Variants in MIA2 observed in about 807,000 individuals in gnomAD.
The protein encoded by MIA2 is MIA SH3 domain ER export factor 2, also known as melanoma inhibitory activity protein 2.
In MIA2, 127 loss-of-function variants were observed where a neutral mutation model predicts 167.8. The ratio of observed to expected loss-of-function variants is 0.76; its 90% confidence interval spans 0.66 to 0.88. The LOEUF (loss-of-function observed/expected upper bound fraction) is 0.88. MIA2 is among the 40% of genes least tolerant of loss of function. MIA2 has a pLI of 0.00. For missense variants in MIA2, 1,690 were observed against 1,624.7 expected (o/e 1.04, Z -0.69); for synonymous variants, 552 against 541.9 (o/e 1.02, Z -0.26).
At chr14:39,269,074 G>GCTAATTTTTTTTTT in intron 6 of MIA2, 1 of 580,220 alleles carries the variant, frequency 1.7e-6, no homozygotes, top group Non-Finnish European at 2.0e-6. Flanking sequence ...CACCTGCACA[G>GCTAATTTTTTTTTT]TTTTTTTTTT....
At chr14:39,374,236 C>T (rs1203682308) in intron 23 of MIA2, among the ~76,000 whole-genome samples, 1 of 152,148 alleles carries the variant, frequency 6.6e-6, no homozygotes, top group Non-Finnish European at 1.5e-5. Context: ...CCTCAGATTG[C>T]AGAAGCACTT....
At chr14:39,387,162 A>G (rs1357929409) in exon 24 of MIA2, 2 of 511,248 alleles carry the variant, frequency 3.9e-6, no homozygotes, top group Non-Finnish European at 3.4e-6. Flanking sequence ...AATACATTTT[A>G]TAAGACTATA....
chr14:39,267,576 G>C, intron 6 of MIA2: 1 of 1,600,594 alleles, frequency 6.2e-7, no homozygotes, highest in Non-Finnish European at 8.5e-7. Context: ...GGAGCCGCCG[G>C]GGGAAGGAAG....
chr14:39,298,060 A>G (rs2061684577), intron 13 of MIA2, among the ~76,000 whole-genome samples: 1 of 151,864 alleles, frequency 6.6e-6, no homozygotes, highest in South Asian at 2.1e-4. Context: ...CCTTTGAAAA[A>G]AAAATCTGTT....
chr14:39,281,817 C>T (rs1202493666), intron 9 of MIA2, among the ~76,000 whole-genome samples: 1 of 151,944 alleles, frequency 6.6e-6, no homozygotes, highest in African/African-American at 2.4e-5. Flanking sequence ...GGATGGGTTT[C>T]ACTGTGTTGC....
At chr14:39,261,797 A>C (rs903739981) in intron 6 of MIA2, among the ~76,000 whole-genome samples, 1 of 152,146 alleles carries the variant, frequency 6.6e-6, no homozygotes, top group African/African-American at 2.4e-5. Flanking sequence ...TCTTTTGAGA[A>C]GTGTCTGTTC....
At chr14:39,234,680 T>TTTTATTTTTATTTCAAA in intron 1 of MIA2, among the ~76,000 whole-genome samples, 1 of 152,186 alleles carries the variant, frequency 6.6e-6, no homozygotes, top group Non-Finnish European at 1.5e-5. Flanking sequence ...CTCATGACGT[T>TTTTATTTTTATTTCAAA]CCTAAAAAGT....
intron 25 of MIA2, among the ~76,000 whole-genome samples, chr14:39,329,645 T>C (rs2068351447): frequency 8.8e-6 from 1 of 113,546 alleles, no homozygotes; most frequent in South Asian, 2.9e-4. Flanking sequence ...CACTACCTAG[T>C]TTATTGAGTT....
intron 15 of MIA2, 34 bp downstream of exon 15, chr14:39,302,283 A>G: frequency 1.2e-6 from 2 of 1,607,390 alleles, no homozygotes; most frequent in South Asian, 1.1e-5. Context: ...TTTTGCTAAA[A>G]TGGTGACTAG....
intron 3 of MIA2, among the ~76,000 whole-genome samples, chr14:39,246,229 TG>T (rs1265686995): frequency 1.3e-5 from 2 of 152,010 alleles, no homozygotes; most frequent in African/African-American, 4.8e-5. Context: ...CCTGAGTAGC[TG>T]GGACTACAGG....
chr14:39,359,066 C>T (rs892704872), intron 23 of MIA2, among the ~76,000 whole-genome samples: 15 of 152,180 alleles, frequency 9.9e-5, no homozygotes, highest in African/African-American at 3.4e-4. Flanking sequence ...AGAACCACTA[C>T]TCTCTTCAAA....
downstream of MIA2, among the ~76,000 whole-genome samples, chr14:39,354,068 G>T (rs2139240563): frequency 6.6e-6 from 1 of 152,146 alleles, no homozygotes; most frequent in African/African-American, 2.4e-5. Flanking sequence ...ATAATCCTTT[G>T]GGTATATACC....
intron 6 of MIA2, chr14:39,265,161 A>G (rs1594756298): frequency 3.0e-5 from 3 of 99,046 alleles, no homozygotes; most frequent in South Asian, 1.9e-4. Context: ...GTGTGTGAGT[A>G]TATATATATA....
chr14:39,378,420 C>T (rs2075087042), intron 23 of MIA2, among the ~76,000 whole-genome samples: 1 of 152,140 alleles, frequency 6.6e-6, no homozygotes, highest in Non-Finnish European at 1.5e-5. Context: ...TCCAATGGCA[C>T]CATCTCTAAA....
intron 24 of MIA2, among the ~76,000 whole-genome samples, chr14:39,321,881 C>G (rs2066509699): frequency 6.6e-6 from 1 of 151,830 alleles, no homozygotes; most frequent in African/African-American, 2.4e-5. Flanking sequence ...CTGCCTCAGC[C>G]TCCTGAGTAG....
Position 39,247,241 on chromosome 14 carries a change from G to A in MIA2, c.667G>A (p.Val223Ile). 6.2e-7 allele frequency: 1 copy of A among 1,614,116 alleles called. No individual in the cohort carries two copies. Among genetic ancestry groups the A allele is most frequent in the Non-Finnish European group, 8.5e-7 (1 of 1,180,020 alleles). ...HVPPSSAVSGVKEWFGLGGEQ... is the reference protein window; with the variant it reads ...HVPPSSAVSGIKEWFGLGGEQ... ...CCCACCATCTTCAGCTGTGTCTGGA[G>A]TCAAAGAATGGTTTGGATTGGGAGG... Residue 223 changes from valine (V) to isoleucine (I), a missense_variant, in exon 4 of 29, where the codon GTC becomes ATC. Coordinates refer to ENST00000640607, the MANE Select transcript of MIA2 (RefSeq NM_001329214.4).
chr14:39,242,603 G>T (rs1163665957), intron 3 of MIA2, among the ~76,000 whole-genome samples: 4 of 151,998 alleles, frequency 2.6e-5, no homozygotes, highest in Admixed American at 1.3e-4. Context: ...AATTACAGGT[G>T]TGAGCCACCA....
intron 25 of MIA2, among the ~76,000 whole-genome samples, chr14:39,344,248 T>C (rs1208397075): frequency 3.3e-5 from 5 of 152,200 alleles, no homozygotes; most frequent in African/African-American, 1.2e-4. Flanking sequence ...AGAAGCAAAA[T>C]AATGATGTAG....
chr14:39,276,629 G>T (rs567078048), intron 6 of MIA2: 1 of 255,004 alleles, frequency 3.9e-6, no homozygotes, highest in African/African-American at 2.3e-5. Flanking sequence ...TTGAAATCAG[G>T]GTAAGAGTAC....
Sources: allele counts gnomAD v4.1 joint callset (sites outside exome capture counted in the v4.1 genomes callset), GRCh38; gene constraint gnomAD v4.1.1; transcripts MANE v1.5; gene names NCBI Gene and HGNC (gene_info 2026-07-23, HGNC 2026-07-21).